GNA14: variants seen among roughly 807,000 people sequenced by gnomAD.
GNA14 encodes G protein subunit alpha 14, also known as guanine nucleotide-binding protein subunit alpha-14.
A neutral mutation model predicts 42.0 loss-of-function variants in GNA14; 50 were observed. That is an observed-to-expected ratio of 1.19 (90% confidence interval 0.95 to 1.51). The LOEUF (loss-of-function observed/expected upper bound fraction) is 1.51. Among genes scored for constraint, GNA14 ranks in the 40% most tolerant of loss-of-function variants. The pLI is 0.00. For synonymous variants in GNA14, 173 were observed against 163.1 expected, an observed-to-expected ratio of 1.06 and a Z score of -0.46; for missense variants, 473 against 446.2, an observed-to-expected ratio of 1.06 and a Z score of -0.54.
chr9:77,455,018 C>G (rs991420823), intron 2 of GNA14, among the ~76,000 whole-genome samples: 5 of 152,174 alleles, frequency 3.3e-5, no homozygotes, highest in African/African-American at 1.2e-4. Context: ...TTTTGATGAT[C>G]TCAAAGTTTC....
chr9:77,641,134 A>G (rs1587858299), intron 1 of GNA14, among the ~76,000 whole-genome samples: 1 of 91,534 alleles, frequency 1.1e-5, no homozygotes, highest in Non-Finnish European at 2.1e-5. Flanking sequence ...GGAAGGAAGG[A>G]AGGAAGGAAG....
chr9:77,527,924 C>G (rs776773540), intron 2 of GNA14, among the ~76,000 whole-genome samples: 2 of 152,170 alleles, frequency 1.3e-5, no homozygotes, highest in African/African-American at 4.8e-5. Flanking sequence ...CATAAGCCAC[C>G]GTGCCCAGCC....
chr9:77,503,576 T>C (rs1837008585), intron 2 of GNA14, among the ~76,000 whole-genome samples: 1 of 152,160 alleles, frequency 6.6e-6, no homozygotes, highest in Non-Finnish European at 1.5e-5. Context: ...TTGCACTGAT[T>C]TCTAAAAATG....
intron 1 of GNA14, among the ~76,000 whole-genome samples, chr9:77,602,338 G>A (rs762369712): frequency 6.6e-6 from 1 of 152,060 alleles, no homozygotes; most frequent in African/African-American, 2.4e-5. Context: ...TTCCCAAGAC[G>A]AACAAAACAA....
At chr9:77,573,147 A>G (rs891260048) in intron 1 of GNA14, among the ~76,000 whole-genome samples, 1 of 152,134 alleles carries the variant, frequency 6.6e-6, no homozygotes, top group Non-Finnish European at 1.5e-5. Flanking sequence ...GGAGCATTAA[A>G]AGTAAAGATC....
intron 1 of GNA14, among the ~76,000 whole-genome samples, chr9:77,621,787 T>C (rs937571271): frequency 1.9e-4 from 29 of 152,258 alleles, no homozygotes; most frequent in African/African-American, 6.8e-4. Flanking sequence ...CGTCGACTTT[T>C]AGGCATTTTA....
intron 2 of GNA14, among the ~76,000 whole-genome samples, chr9:77,442,560 C>T (rs1835751445): frequency 1.3e-5 from 2 of 152,164 alleles, no homozygotes; most frequent in South Asian, 4.1e-4. Flanking sequence ...GCCAGAGTGA[C>T]AAGGATTGAG....
chr9:77,452,942 G>A (rs1208268548), intron 2 of GNA14, among the ~76,000 whole-genome samples: 1 of 151,732 alleles, frequency 6.6e-6, no homozygotes, highest in African/African-American at 2.4e-5. Context: ...GACCAGCCTG[G>A]ACAACATAGC....
intron 1 of GNA14, among the ~76,000 whole-genome samples, chr9:77,542,831 CT>C (rs1837677023): frequency 6.6e-6 from 1 of 152,222 alleles, no homozygotes; most frequent in Admixed American, 6.5e-5. Context: ...TCCCAGGCCC[CT>C]GATGGCAGGC....
At chr9:77,632,281 T>C (rs1824111033) in intron 1 of GNA14, among the ~76,000 whole-genome samples, 1 of 152,144 alleles carries the variant, frequency 6.6e-6, no homozygotes, top group African/African-American at 2.4e-5. Flanking sequence ...CTGGGTGCCA[T>C]GGGTGCCATG....
chr9:77,577,376 A>G (rs1012609659), intron 1 of GNA14, among the ~76,000 whole-genome samples: 1 of 152,226 alleles, frequency 6.6e-6, no homozygotes, highest in Non-Finnish European at 1.5e-5. Flanking sequence ...TTTGGTTAGT[A>G]TAACAATAAA....
intron 2 of GNA14, among the ~76,000 whole-genome samples, chr9:77,478,880 T>C (rs1205935367): frequency 3.9e-5 from 6 of 152,344 alleles, no homozygotes; most frequent in African/African-American, 1.4e-4. Flanking sequence ...GGTTGTTTGT[T>C]TTTTTCTTGT....
chr9:77,511,917 G>A (rs923989922), intron 2 of GNA14, among the ~76,000 whole-genome samples: 1 of 152,210 alleles, frequency 6.6e-6, no homozygotes, highest in Non-Finnish European at 1.5e-5. Flanking sequence ...CCCAAAGGCA[G>A]AAGGTAGACC....
chr9:77,453,552 G>T (rs1482233957), intron 2 of GNA14, among the ~76,000 whole-genome samples: 1 of 152,206 alleles, frequency 6.6e-6, no homozygotes, highest in African/African-American at 2.4e-5. Flanking sequence ...TTAACAAAAT[G>T]CAACAGTTCA....
chr9:77,439,994 G>C (rs544823174), intron 2 of GNA14, among the ~76,000 whole-genome samples: 1 of 152,296 alleles, frequency 6.6e-6, no homozygotes, highest in South Asian at 2.1e-4. Context: ...TCCTAGGCTA[G>C]AGAAACATCA....
intron 2 of GNA14, among the ~76,000 whole-genome samples, chr9:77,497,204 T>A (rs969477880): frequency 1.3e-5 from 2 of 152,116 alleles, no homozygotes; most frequent in Non-Finnish European, 2.9e-5. Flanking sequence ...ACTGGCCTTG[T>A]CCCCAACTCC....
chr9:77,490,304 G>C (rs1365586806), intron 2 of GNA14, among the ~76,000 whole-genome samples: 1 of 152,266 alleles, frequency 6.6e-6, no homozygotes, highest in Non-Finnish European at 1.5e-5. Flanking sequence ...CCAGACTCAG[G>C]AGCCCAGCTG....
intron 2 of GNA14, among the ~76,000 whole-genome samples, chr9:77,505,612 A>G (rs1319946231): frequency 6.6e-6 from 1 of 152,230 alleles, no homozygotes. Context: ...AGGAGGAATT[A>G]ATTAGCAGAT....
intron 2 of GNA14, among the ~76,000 whole-genome samples, chr9:77,470,735 A>G (rs1836316024): frequency 6.6e-6 from 1 of 152,194 alleles, no homozygotes; most frequent in African/African-American, 2.4e-5. Flanking sequence ...ATTGACTCAT[A>G]ATTCCACAGG....
Sources: gnomAD v4.1 joint callset for allele counts (sites outside exome capture counted in the v4.1 genomes callset) on GRCh38, gnomAD v4.1.1 for gene constraint, MANE v1.5 for transcripts, NCBI Gene and HGNC (gene_info 2026-07-23, HGNC 2026-07-21) for gene names.